The following C8orf34 variants were observed in gnomAD, a reference collection of about 807,000 sequenced individuals.
C8orf34 encodes chromosome 8 open reading frame 34, also known as uncharacterized protein C8orf34.
C8orf34 carries 65 observed loss-of-function variants against 68.3 expected under a neutral mutation model. The ratio of observed to expected loss-of-function variants is 0.95; its 90% CI spans 0.78 to 1.17. C8orf34 has a LOEUF of 1.17. Among genes scored for constraint, C8orf34 ranks in the 50% most tolerant of loss-of-function variants. The probability of loss-of-function intolerance (pLI) is 0.00; values close to 1 mark genes in which losing one functional copy is unlikely to be tolerated. For missense variants in C8orf34, 664 were observed against 655.4 expected, an observed-to-expected ratio of 1.01 and a Z score of -0.14; for synonymous variants, 244 against 241.2, an observed-to-expected ratio of 1.01 and a Z score of -0.11.
At chr8:68,566,516 T>C (rs372141772) in intron 7 of C8orf34, among the ~76,000 whole-genome samples, 1 of 152,200 alleles carries the variant, frequency 6.6e-6, no homozygotes, top group East Asian at 1.9e-4. Flanking sequence ...TGCTTCACCT[T>C]GCACCTTTCT....
At chr8:68,351,245 T>A (rs1212359181) in intron 1 of C8orf34, among the ~76,000 whole-genome samples, 1 of 152,066 alleles carries the variant, frequency 6.6e-6, no homozygotes, top group Non-Finnish European at 1.5e-5. Context: ...TATAGGATTC[T>A]TGGTTGAATA....
chr8:68,362,264 G>A (rs1277380444), intron 1 of C8orf34, among the ~76,000 whole-genome samples: 1 of 152,180 alleles, frequency 6.6e-6, no homozygotes, highest in Non-Finnish European at 1.5e-5. Context: ...TATTGGCTAA[G>A]TAATGAAGAT....
intron 7 of C8orf34, among the ~76,000 whole-genome samples, chr8:68,595,799 T>C (rs575103123): frequency 6.6e-6 from 1 of 152,288 alleles, no homozygotes; most frequent in Admixed American, 6.5e-5. Context: ...CTCCCTGCTA[T>C]GTTCAGGCAG....
At chr8:68,676,907 A>G (rs1820207492) in intron 8 of C8orf34, among the ~76,000 whole-genome samples, 1 of 152,132 alleles carries the variant, frequency 6.6e-6, no homozygotes, top group Non-Finnish European at 1.5e-5. Flanking sequence ...TGTGCAGAGA[A>G]ACTCCCATTT....
intron 10 of C8orf34, among the ~76,000 whole-genome samples, chr8:68,763,070 C>T (rs1823066518): frequency 6.6e-6 from 1 of 152,184 alleles, no homozygotes; most frequent in African/African-American, 2.4e-5. Flanking sequence ...ATCAGTGAAA[C>T]AGATTCCTAC....
intron 1 of C8orf34, among the ~76,000 whole-genome samples, chr8:68,399,899 T>A (rs73260738): frequency 0.073 from 11,039 of 152,226 alleles, 417 homozygotes; most frequent in Admixed American, 0.1. Flanking sequence ...TAATTTGCAT[T>A]TCCCTGATGA....
At chr8:68,405,787 G>A (rs767317139) in intron 1 of C8orf34, among the ~76,000 whole-genome samples, 28 of 152,084 alleles carry the variant, frequency 1.8e-4, no homozygotes, top group Non-Finnish European at 3.5e-4. Flanking sequence ...CCGTAATTCT[G>A]TGAGAAACTA....
At chr8:68,719,534 T>C (rs1039466033) in intron 9 of C8orf34, among the ~76,000 whole-genome samples, 30 of 152,002 alleles carry the variant, frequency 2.0e-4, no homozygotes, top group Non-Finnish European at 3.7e-4. Context: ...ATTCAACTTA[T>C]TTTAAAAGCA....
chr8:68,586,955 A>G (rs1185941695), intron 7 of C8orf34, among the ~76,000 whole-genome samples: 6 of 152,092 alleles, frequency 3.9e-5, no homozygotes, highest in Non-Finnish European at 8.8e-5. Flanking sequence ...TGCTATGACT[A>G]ATTGCAATAC....
At chr8:68,355,402 A>T (rs1176260890) in intron 1 of C8orf34, among the ~76,000 whole-genome samples, 1 of 152,174 alleles carries the variant, frequency 6.6e-6, no homozygotes, top group Non-Finnish European at 1.5e-5. Context: ...TGGAGTCTTC[A>T]TCTGCAAAAT....
chr8:68,576,192 A>T (rs1816901600), intron 7 of C8orf34, among the ~76,000 whole-genome samples: 1 of 151,530 alleles, frequency 6.6e-6, no homozygotes, highest in Admixed American at 6.6e-5. Context: ...CATCATCATC[A>T]TTCTGTATGT....
chr8:68,421,258 C>A (rs1409523887), intron 1 of C8orf34, among the ~76,000 whole-genome samples: 1 of 152,146 alleles, frequency 6.6e-6, no homozygotes, highest in South Asian at 2.1e-4. Flanking sequence ...GCTCTGAAAT[C>A]TAGAAAGAAG....
chr8:68,710,325 C>T (rs1821296170), intron 9 of C8orf34, among the ~76,000 whole-genome samples: 1 of 152,146 alleles, frequency 6.6e-6, no homozygotes, highest in South Asian at 2.1e-4. Flanking sequence ...TGAGGAGGCT[C>T]ATGGTCTGGG....
At chr8:68,737,633 C>A (rs145252347) in intron 10 of C8orf34, among the ~76,000 whole-genome samples, 2 of 151,026 alleles carry the variant, frequency 1.3e-5, no homozygotes, top group Non-Finnish European at 3.0e-5. Flanking sequence ...TACTTTCAGA[C>A]GAAACAAACT....
chr8:68,669,643 T>C (rs1394522386), intron 8 of C8orf34, among the ~76,000 whole-genome samples: 5 of 152,204 alleles, frequency 3.3e-5, no homozygotes, highest in Admixed American at 6.5e-5. Context: ...TGATATTTCA[T>C]CCATCTTTCT....
intron 12 of C8orf34, among the ~76,000 whole-genome samples, chr8:68,803,002 A>G (rs1248434212): frequency 1.3e-5 from 2 of 152,110 alleles, no homozygotes; most frequent in Non-Finnish European, 2.9e-5. Flanking sequence ...TCTATTAAAA[A>G]TTAAATTAAT....
At chr8:68,809,331 A>G (rs1585916247) in intron 12 of C8orf34, among the ~76,000 whole-genome samples, 1 of 152,192 alleles carries the variant, frequency 6.6e-6, no homozygotes, top group African/African-American at 2.4e-5. Context: ...TATGGCTTCT[A>G]CATTCAATTT....
At chr8:68,720,681 C>T (rs1294108301) in intron 9 of C8orf34, among the ~76,000 whole-genome samples, 1 of 151,588 alleles carries the variant, frequency 6.6e-6, no homozygotes, top group Non-Finnish European at 1.5e-5. Context: ...CTAGTTGCTC[C>T]ATTTACCTAT....
intron 7 of C8orf34, among the ~76,000 whole-genome samples, chr8:68,557,753 T>G (rs1816298535): frequency 6.6e-6 from 1 of 152,308 alleles, no homozygotes; most frequent in South Asian, 2.1e-4. Context: ...GAGAATATGG[T>G]GATTTTCACT....
Sources: allele counts gnomAD v4.1 joint callset (sites outside exome capture counted in the v4.1 genomes callset), GRCh38; gene constraint gnomAD v4.1.1; transcripts MANE v1.5; gene names NCBI Gene and HGNC (gene_info 2026-07-23, HGNC 2026-07-21).